CTNNA3: variants seen among roughly 807,000 people sequenced by gnomAD.
The protein encoded by CTNNA3 is catenin alpha 3.
In CTNNA3, 76 loss-of-function variants were observed where a neutral mutation model predicts 95.7. The observed-to-expected ratio is 0.79, with a 90% CI of 0.66 to 0.96. CTNNA3 has a LOEUF of 0.96. CTNNA3 is among the 40% of genes least tolerant of loss of function. CTNNA3 has a pLI of 0.00. For synonymous variants in CTNNA3, 431 were observed against 374.4 expected (o/e 1.15, Z -1.74); for missense variants, 1,191 against 1,089.8 (o/e 1.09, Z -1.31).
At chr10:67,502,128 CT>C (rs1333598225) in intron 5 of CTNNA3, among the ~76,000 whole-genome samples, 7 of 152,146 alleles carry the variant, frequency 4.6e-5, no homozygotes, top group African/African-American at 1.4e-4. Flanking sequence ...GTCTTTGATG[CT>C]GGTGACCTTC....
chr10:65,971,380 T>G (rs1306263458), intron 16 of CTNNA3, among the ~76,000 whole-genome samples: 1 of 15,010 alleles, frequency 6.7e-5, no homozygotes, highest in Admixed American at 3.9e-4. Flanking sequence ...CAAAGTTGTG[T>G]TTTTTTTTTT....
chr10:67,410,381 T>G (rs1845317872), intron 5 of CTNNA3, among the ~76,000 whole-genome samples: 1 of 151,870 alleles, frequency 6.6e-6, no homozygotes, highest in African/African-American at 2.4e-5. Context: ...AGGGAGAGGA[T>G]GAGGAAGAAT....
At chr10:66,693,437 A>G (rs1201379732) in intron 9 of CTNNA3, among the ~76,000 whole-genome samples, 2 of 150,098 alleles carry the variant, frequency 1.3e-5, no homozygotes, top group Non-Finnish European at 2.9e-5. Context: ...TGCACCCAAT[A>G]CAGGAGCACC....
At chr10:67,259,388 C>T (rs1866498211) in intron 5 of CTNNA3, among the ~76,000 whole-genome samples, 1 of 151,712 alleles carries the variant, frequency 6.6e-6, no homozygotes, top group African/African-American at 2.4e-5. Flanking sequence ...CAACACTGAC[C>T]CTGAAGTTAT....
chr10:66,072,141 A>G (rs1189933469), intron 14 of CTNNA3, among the ~76,000 whole-genome samples: 2 of 152,194 alleles, frequency 1.3e-5, no homozygotes, highest in Non-Finnish European at 2.9e-5. Flanking sequence ...CTTATTATAG[A>G]CATTGAAATT....
intron 5 of CTNNA3, among the ~76,000 whole-genome samples, chr10:67,222,309 C>T (rs933193948): frequency 7.9e-5 from 12 of 152,122 alleles, no homozygotes; most frequent in Non-Finnish European, 1.5e-4. Flanking sequence ...TGGCTTGCTA[C>T]GATTTCCCCC....
chr10:66,222,009 T>C (rs1280121140), intron 13 of CTNNA3, among the ~76,000 whole-genome samples: 1 of 152,164 alleles, frequency 6.6e-6, no homozygotes, highest in African/African-American at 2.4e-5. Context: ...ATGACTTAGG[T>C]TATTGGCCAA....
chr10:66,178,438 T>C (rs1163402053), intron 13 of CTNNA3, among the ~76,000 whole-genome samples: 125 of 95,194 alleles, frequency 1.3e-3, no homozygotes, highest in African/African-American at 3.9e-3. Context: ...TATATATATA[T>C]ATATACACAC....
At chr10:67,529,825 C>T (rs1174689066) in intron 4 of CTNNA3, among the ~76,000 whole-genome samples, 1 of 151,952 alleles carries the variant, frequency 6.6e-6, no homozygotes, top group Admixed American at 6.6e-5. Flanking sequence ...GGCTGTGTTC[C>T]CACCCAAATC....
intron 10 of CTNNA3, among the ~76,000 whole-genome samples, chr10:66,566,864 T>C (rs1373227084): frequency 6.6e-6 from 1 of 151,518 alleles, no homozygotes; most frequent in Non-Finnish European, 1.5e-5. Flanking sequence ...CATCACAGAT[T>C]TCTGCTTTAC....
chr10:66,275,041 A>T (rs2091362185), intron 13 of CTNNA3, among the ~76,000 whole-genome samples: 1 of 152,276 alleles, frequency 6.6e-6, no homozygotes, highest in Admixed American at 6.5e-5. Context: ...GTTAGTTGCT[A>T]CTACATTGAA....
intron 3 of CTNNA3, among the ~76,000 whole-genome samples, chr10:67,577,338 G>A (rs1589445454): frequency 6.6e-6 from 1 of 152,090 alleles, no homozygotes; most frequent in East Asian, 1.9e-4. Context: ...CTTTTGAGAA[G>A]TGTCTGTTCA....
At chr10:66,492,791 C>G (rs1383241886) in intron 11 of CTNNA3, among the ~76,000 whole-genome samples, 1 of 152,126 alleles carries the variant, frequency 6.6e-6, no homozygotes, top group East Asian at 1.9e-4. Context: ...TACTATACCA[C>G]CAATTGGGCT....
chr10:66,553,812 C>T (rs61869370), intron 10 of CTNNA3, among the ~76,000 whole-genome samples: 2,314 of 152,064 alleles, frequency 0.015, 31 homozygotes, highest in Non-Finnish European at 0.023. Context: ...CAGGCGTGAG[C>T]CACTGCGCCC....
intron 5 of CTNNA3, among the ~76,000 whole-genome samples, chr10:67,320,847 A>G (rs566708598): frequency 1.3e-5 from 2 of 152,368 alleles, no homozygotes; most frequent in South Asian, 2.1e-4. Flanking sequence ...GTGAATTAAA[A>G]GAAGAGAATT....
intron 7 of CTNNA3, among the ~76,000 whole-genome samples, chr10:67,044,760 A>G (rs1025365763): frequency 6.6e-6 from 1 of 152,216 alleles, no homozygotes; most frequent in African/African-American, 2.4e-5. Flanking sequence ...TTGCTCAGCA[A>G]AAAGCATGAT....
At chr10:67,251,008 T>C (rs1428161320) in intron 5 of CTNNA3, among the ~76,000 whole-genome samples, 2 of 152,192 alleles carry the variant, frequency 1.3e-5, no homozygotes, top group African/African-American at 2.4e-5. Flanking sequence ...TGAAAACATA[T>C]GTCCACATAA....
intron 5 of CTNNA3, among the ~76,000 whole-genome samples, chr10:67,304,136 A>G (rs1840443287): frequency 6.6e-6 from 1 of 152,182 alleles, no homozygotes; most frequent in Non-Finnish European, 1.5e-5. Context: ...GTTGGGCAAA[A>G]TTAAGGGTCT....
chr10:66,917,474 T>A (rs1395634175), intron 7 of CTNNA3, among the ~76,000 whole-genome samples: 1 of 152,248 alleles, frequency 6.6e-6, no homozygotes, highest in African/African-American at 2.4e-5. Context: ...TGTTCTCTGC[T>A]ACTTCATTGC....
Sources: allele counts gnomAD v4.1 joint callset (sites outside exome capture counted in the v4.1 genomes callset), GRCh38; gene constraint gnomAD v4.1.1; transcripts MANE v1.5; gene names NCBI Gene and HGNC (gene_info 2026-07-23, HGNC 2026-07-21).